Variants in TRAPPC3L observed in about 807,000 individuals in gnomAD.
TRAPPC3L encodes trafficking protein particle complex subunit 3L.
TRAPPC3L carries 23 observed loss-of-function variants against 23.7 expected under a neutral mutation model. That is an observed-to-expected ratio of 0.97 (90% CI 0.70 to 1.37). The LOEUF is 1.37. TRAPPC3L is among the 40% of genes most tolerant of loss of function. The pLI is 0.00. For missense variants in TRAPPC3L, 212 were observed against 216.8 expected (o/e 0.98, Z 0.14); for synonymous variants, 81 against 77.9 (o/e 1.04, Z -0.21).
At chr6:116,503,755 A>T (rs1478384373) in intron 3 of TRAPPC3L, among the ~76,000 whole-genome samples, 3 of 152,188 alleles carry the variant, frequency 2.0e-5, no homozygotes, top group Non-Finnish European at 1.5e-5. Flanking sequence ...GAAGCTGAAA[A>T]ATCTGCTCCA....
At chr6:116,498,602 T>C (rs1056352048) in intron 4 of TRAPPC3L, among the ~76,000 whole-genome samples, 1 of 152,254 alleles carries the variant, frequency 6.6e-6, no homozygotes, top group Non-Finnish European at 1.5e-5. Flanking sequence ...TAAGCTGTTG[T>C]TGGCTCACCA....
chr6:116,503,908 C>A (rs1208120347), intron 3 of TRAPPC3L, among the ~76,000 whole-genome samples: 4 of 152,086 alleles, frequency 2.6e-5, no homozygotes, highest in African/African-American at 7.2e-5. Context: ...TAAATGCCCG[C>A]AAGACAAAGC....
At chr6:116,501,303 G>C (rs558641549) in intron 3 of TRAPPC3L, among the ~76,000 whole-genome samples, 292 of 152,322 alleles carry the variant, frequency 1.9e-3, no homozygotes, top group African/African-American at 6.6e-3. Flanking sequence ...AGGGGTGTCT[G>C]CCATTGCTGA....
At chr6:116,528,024 G>A (rs1304547865) in intron 3 of TRAPPC3L, among the ~76,000 whole-genome samples, 1 of 152,200 alleles carries the variant, frequency 6.6e-6, no homozygotes, top group Non-Finnish European at 1.5e-5. Context: ...TCTACATGCA[G>A]CCAGATTTCT....
intron 3 of TRAPPC3L, chr6:116,511,748 A>G (rs1165675396): frequency 1.2e-6 from 2 of 1,613,914 alleles, no homozygotes; most frequent in South Asian, 2.2e-5. Context: ...GAAAACTGTT[A>G]TTGGCTACAG....
chr6:116,515,860 G>C, intron 3 of TRAPPC3L: 2 of 1,613,974 alleles, frequency 1.2e-6, no homozygotes, highest in Admixed American at 1.7e-5. Context: ...CTGCTTCAGA[G>C]CTGCATTCTT....
intron 3 of TRAPPC3L, among the ~76,000 whole-genome samples, chr6:116,536,105 T>A (rs1773069575): frequency 6.6e-6 from 1 of 152,230 alleles, no homozygotes; most frequent in South Asian, 2.1e-4. Flanking sequence ...AATTAGTATG[T>A]CTTATTTAAT....
intron 3 of TRAPPC3L, among the ~76,000 whole-genome samples, chr6:116,536,765 A>T (rs1227871768): frequency 6.6e-6 from 1 of 152,250 alleles, no homozygotes; most frequent in East Asian, 1.9e-4. Flanking sequence ...TTTTACAGCC[A>T]TTAGGTTCTA....
At chr6:116,512,393 T>C (rs1011870709) in intron 3 of TRAPPC3L, 5 of 854,408 alleles carry the variant, frequency 5.9e-6, no homozygotes, top group Non-Finnish European at 8.7e-6. Context: ...CAGGAAAAGC[T>C]TTTGAAAGGC....
chr6:116,507,969 A>T (rs1772035306), intron 3 of TRAPPC3L, among the ~76,000 whole-genome samples: 1 of 152,208 alleles, frequency 6.6e-6, no homozygotes, highest in African/African-American at 2.4e-5. Context: ...CTTGGCTCCT[A>T]GTCCAAGGCA....
chr6:116,542,056 CT>C (rs1257526088), intron 2 of TRAPPC3L, among the ~76,000 whole-genome samples: 1 of 152,080 alleles, frequency 6.6e-6, no homozygotes, highest in Non-Finnish European at 1.5e-5. Flanking sequence ...AATAAGTGAG[CT>C]TTTTTATTAT....
At chr6:116,510,043 A>C (rs900798623) in intron 3 of TRAPPC3L, among the ~76,000 whole-genome samples, 5 of 152,220 alleles carry the variant, frequency 3.3e-5, no homozygotes, top group Admixed American at 3.3e-4. Context: ...TCTCAAAAGA[A>C]GATATACAAA....
intron 4 of TRAPPC3L, 160 bp from the exon 5 acceptor site, chr6:116,497,233 T>G: frequency 1.2e-6 from 1 of 859,646 alleles, no homozygotes; most frequent in Non-Finnish European, 1.7e-6. Flanking sequence ...CCTCCGGAGA[T>G]GGTCCAGCTG....
At chr6:116,526,257 T>C (rs773268653) in intron 3 of TRAPPC3L, among the ~76,000 whole-genome samples, 31 of 152,236 alleles carry the variant, frequency 2.0e-4, no homozygotes, top group Admixed American at 3.9e-4. Flanking sequence ...TTCCACTTTT[T>C]TTCCAAATGG....
intron 3 of TRAPPC3L, chr6:116,523,011 G>A (rs371067447): frequency 1.7e-5 from 2 of 116,900 alleles, no homozygotes. Flanking sequence ...CCCCCAGGGT[G>A]TCTGATTCAG....
At chr6:116,515,713 T>G (rs773523537) in intron 3 of TRAPPC3L, 1 of 1,613,982 alleles carries the variant, frequency 6.2e-7, no homozygotes, top group Admixed American at 1.7e-5. Context: ...GGAAGACATA[T>G]GCACAAAAGG....
At chr6:116,525,928 T>C (rs1772433184) in intron 3 of TRAPPC3L, among the ~76,000 whole-genome samples, 2 of 152,226 alleles carry the variant, frequency 1.3e-5, no homozygotes, top group Admixed American at 1.3e-4. Context: ...ACACAATTAT[T>C]TCTCCCAGGG....
intron 3 of TRAPPC3L, chr6:116,515,710 A>T: frequency 6.2e-7 from 1 of 1,614,038 alleles, no homozygotes; most frequent in Non-Finnish European, 8.5e-7. Context: ...TTTGGAAGAC[A>T]TATGCACAAA....
rs368696549 is a variant in TRAPPC3L at position 116,519,681 on chromosome 6, C to T, written c.241-19015G>A. 3.3e-5 allele frequency: 5 copies of T among 152,188 alleles called. No individual in the cohort carries two copies. In the East Asian group the frequency reaches 5.8e-4, roughly 18 times the overall value. 9.4% of individuals were successfully genotyped at this position (152,188 alleles called of 1,614,324 possible). A position where few individuals can be genotyped will look rare whatever the true frequency, so the allele number is the denominator to read the frequency against. ...TGAAGATCTGGTCTTCTCCCTACCA[C>T]CACTACCCTATTACATAAGAGAAAA... is the stretch of plus-strand genomic sequence containing the variant. On this transcript the variant is annotated intron_variant, in intron 3 of 4. Transcript: ENST00000368602.
Sources: allele counts gnomAD v4.1 joint callset (sites outside exome capture counted in the v4.1 genomes callset), GRCh38; gene constraint gnomAD v4.1.1; transcripts MANE v1.5; gene names NCBI Gene and HGNC (gene_info 2026-07-23, HGNC 2026-07-21).